Variants in SLC20A2 observed in about 807,000 individuals in gnomAD.
SLC20A2 encodes the protein sodium-dependent phosphate transporter 2.
In SLC20A2, 30 loss-of-function variants were observed where a neutral mutation model predicts 61.0. The observed-to-expected ratio is 0.49, with a 90% CI of 0.37 to 0.67. The LOEUF (loss-of-function observed/expected upper bound fraction) is 0.67. Ranked by LOEUF, SLC20A2 falls within the 30% of genes least tolerant of loss-of-function variation. The probability of loss-of-function intolerance (pLI) is 0.00; values close to 1 mark genes in which losing one functional copy is unlikely to be tolerated. For synonymous variants in SLC20A2, 351 were observed against 353.3 expected (o/e 0.99, Z 0.07); for missense variants, 626 against 866.4 (o/e 0.72, Z 3.48).
At chr8:42,457,482 A>T (rs1477598018) in intron 5 of SLC20A2, among the ~76,000 whole-genome samples, 1 of 148,126 alleles carries the variant, frequency 6.8e-6, no homozygotes. Flanking sequence ...GAGTATTTAA[A>T]CTTTTTTTTT....
intron 6 of SLC20A2, among the ~76,000 whole-genome samples, chr8:42,441,625 C>T (rs1427742446): frequency 2.0e-5 from 3 of 148,540 alleles, no homozygotes; most frequent in East Asian, 4.1e-4. Flanking sequence ...TGTGCCACCA[C>T]GCCCAGCTAA....
Position 42,472,701 on chromosome 8 carries a change from G to T in SLC20A2, c.-264-47C>A, listed in dbSNP as rs1807739423. On this transcript the variant is annotated intron_variant, in intron 1 of 10. Coordinates refer to ENST00000520262, the MANE Select transcript of SLC20A2 (RefSeq NM_001257180.2). This position sits in a 1 kb window ranked among gnomAD's most constrained non-coding sequence, Gnocchi z 4.1. ...AGAAATCAATTATACTCAGCAACCT[G>T]TAACAGTTTGTTCTTTCAGAAATAA... 1 of 261,436 alleles carries T rather than the reference G, an allele frequency of 3.8e-6. No individual in the cohort carries two copies. 16.2% of individuals were successfully genotyped at this position (261,436 alleles called of 1,614,324 possible).
chr8:42,483,455 C>T (rs1252864336), intron 1 of SLC20A2, among the ~76,000 whole-genome samples: 1 of 152,186 alleles, frequency 6.6e-6, no homozygotes, highest in African/African-American at 2.4e-5. Flanking sequence ...GAAGTGAGCT[C>T]CCACTGGAAA....
At chr8:42,492,871 C>T (rs867291153) in intron 1 of SLC20A2, among the ~76,000 whole-genome samples, 11 of 151,998 alleles carry the variant, frequency 7.2e-5, no homozygotes, top group Admixed American at 3.9e-4. Context: ...AGTAGAGAGA[C>T]GGGGTTTCGC....
intron 5 of SLC20A2, among the ~76,000 whole-genome samples, chr8:42,450,666 G>T (rs1805573281): frequency 6.6e-6 from 1 of 152,052 alleles, no homozygotes; most frequent in African/African-American, 2.4e-5. Flanking sequence ...TGGGATTACA[G>T]GAACTCACCA....
intron 6 of SLC20A2, among the ~76,000 whole-genome samples, chr8:42,441,578 C>A (rs1804787614): frequency 1.3e-5 from 2 of 151,362 alleles, no homozygotes; most frequent in South Asian, 4.2e-4. Flanking sequence ...AAGCGATTCT[C>A]CTGCCTCAGC....
At chr8:42,421,694 C>A (rs551088723) in intron 10 of SLC20A2, among the ~76,000 whole-genome samples, 8 of 152,200 alleles carry the variant, frequency 5.3e-5, no homozygotes, top group Admixed American at 3.9e-4. Flanking sequence ...ATCCCAGCTA[C>A]TCGGGAGGCT....
Position 42,439,645 on chromosome 8 carries a change from GTAATTTGCCTAAAGAAAACAAAGTCA to G in SLC20A2, c.731-18_738del, listed in dbSNP as rs1234999465. On this transcript the variant is annotated splice_acceptor_variant and splice_polypyrimidine_tract_variant and coding_sequence_variant and intron_variant, in exon 7 of 11. Coordinates refer to ENST00000520262, the MANE Select transcript of SLC20A2 (RefSeq NM_001257180.2). LOFTEE classifies it high-confidence loss of function. ...ACTCGTGATAAAGCACCTTCTTTTTGTAATTTGCCTAAAGAAAACAAAGTCATACTGAACATTCTGGAAGAGAGTTC... is the reference window on the plus strand; with the variant it reads ...ACTCGTGATAAAGCACCTTCTTTTTGTACTGAACATTCTGGAAGAGAGTTC... 6.2e-7 allele frequency: 1 copy of G among 1,613,414 alleles called. No homozygotes were observed. The highest frequency in any genetic ancestry group is 8.5e-7 in the Non-Finnish European group (1 of 1,179,378).
chr8:42,534,239 A>G (rs1422598809), intron 1 of SLC20A2, among the ~76,000 whole-genome samples: 1 of 152,140 alleles, frequency 6.6e-6, no homozygotes, highest in Non-Finnish European at 1.5e-5. Flanking sequence ...CGATCGCATC[A>G]TCGCACTCCA....
At chr8:42,466,185 A>C (rs752718085) in intron 2 of SLC20A2, among the ~76,000 whole-genome samples, 5 of 152,144 alleles carry the variant, frequency 3.3e-5, no homozygotes, top group African/African-American at 4.8e-5. Context: ...CCCAGGCTGG[A>C]GTGCAGTGGC....
intron 1 of SLC20A2, among the ~76,000 whole-genome samples, chr8:42,540,495 T>C (rs912963234): frequency 3.3e-5 from 5 of 152,190 alleles, no homozygotes; most frequent in African/African-American, 1.2e-4. Flanking sequence ...TATAGAATTA[T>C]ATGTATGATT....
At chr8:42,495,752 CTT>C (rs869049452) in intron 1 of SLC20A2, among the ~76,000 whole-genome samples, 13 of 145,172 alleles carry the variant, frequency 9.0e-5, no homozygotes, top group Non-Finnish European at 9.1e-5. Context: ...ATCCCTCCCC[CTT>C]TTTTTTTTTT....
intron 1 of SLC20A2, among the ~76,000 whole-genome samples, chr8:42,486,352 G>A (rs149187536): frequency 1.5e-4 from 23 of 152,186 alleles, no homozygotes; most frequent in African/African-American, 3.4e-4. Flanking sequence ...ACAGGTGTGC[G>A]ACACTGTGCC....
At chr8:42,479,104 G>A (rs1258197439) in intron 1 of SLC20A2, among the ~76,000 whole-genome samples, 5 of 152,146 alleles carry the variant, frequency 3.3e-5, no homozygotes, top group Non-Finnish European at 7.4e-5. Flanking sequence ...GCCAGCCTAC[G>A]GACCTCTCTT....
At chr8:42,435,392 G>A (rs1804172168) in intron 8 of SLC20A2, among the ~76,000 whole-genome samples, 2 of 152,268 alleles carry the variant, frequency 1.3e-5, no homozygotes, top group East Asian at 1.9e-4. Flanking sequence ...GAGCAGAAAC[G>A]GACAGAAACC....
chr8:42,482,898 T>A (rs1376629014), intron 1 of SLC20A2, among the ~76,000 whole-genome samples: 1 of 150,786 alleles, frequency 6.6e-6, no homozygotes, highest in Non-Finnish European at 1.5e-5. Flanking sequence ...TACAAAAAAT[T>A]AGCCAGGTGT....
upstream of SLC20A2, among the ~76,000 whole-genome samples, chr8:42,504,492 A>G (rs1810512713): frequency 6.6e-6 from 1 of 152,108 alleles, no homozygotes; most frequent in East Asian, 1.9e-4. Context: ...AAATAAACAA[A>G]AAAGAGAGAA....
intron 5 of SLC20A2, among the ~76,000 whole-genome samples, chr8:42,449,689 G>A (rs978053526): frequency 1.3e-5 from 2 of 151,896 alleles, no homozygotes; most frequent in Non-Finnish European, 2.9e-5. Context: ...CATGCTTATC[G>A]TAAAAATATC....
chr8:42,444,748 G>A lies in SLC20A2; in HGVS notation c.628C>T (p.Leu210Phe). Residue 210 changes from leucine to phenylalanine, a missense_variant, in exon 6 of 11, where the codon CTC becomes TTC. This residue lies in a region of SLC20A2 where 361 missense variants were observed against 422.3 expected (regional missense o/e 0.85). Transcript: ENST00000520262. ...ATGAGGGCTATGGCCCACATGGGGA[G>A]AACAAGGCCGAGCACTGGGAAGGAA... ...YTGAPVLGLV[L>F]PMWAIALISF... 6.2e-7 allele frequency: 1 copy of A among 1,613,618 alleles called. No individual in the cohort carries two copies. The highest frequency in any genetic ancestry group is 8.5e-7 in the Non-Finnish European group (1 of 1,179,692).
Sources: allele counts gnomAD v4.1 joint callset (sites outside exome capture counted in the v4.1 genomes callset), GRCh38; gene constraint gnomAD v4.1.1; regional missense constraint gnomAD v4.1.1; non-coding constraint Gnocchi (gnomAD v3.1); transcripts MANE v1.5; gene names NCBI Gene and HGNC (gene_info 2026-07-23, HGNC 2026-07-21).